Variants in ZNF394 observed in about 807,000 individuals in gnomAD.
ZNF394 encodes the protein zinc finger protein 394.
In ZNF394, 19 loss-of-function variants were observed where a neutral mutation model predicts 21.8. That is an observed-to-expected ratio of 0.87 (90% CI 0.61 to 1.28). The LOEUF (loss-of-function observed/expected upper bound fraction) is 1.28, where lower values mean the gene tolerates loss of function less well. Ranked by LOEUF, ZNF394 falls within the 50% of genes most tolerant of loss-of-function variation. ZNF394 has a pLI of 0.00. For missense variants in ZNF394, 683 were observed against 708.6 expected, an observed-to-expected ratio of 0.96 and a Z score of 0.41; for synonymous variants, 294 against 273.3, an observed-to-expected ratio of 1.08 and a Z score of -0.75.
rs774864258 is a variant in ZNF394 at position 99,493,865 on chromosome 7, G to A, written c.1350C>T (p.Thr450=). ...GTCTAAAAAGGTTGGAAATATGACA[G>A]GTTTCCCCGCATTCCTCACATTTAA... ...KHFKCEECGE[T]CHISNLFRHQ... Residue 450 remains threonine, a synonymous_variant, in exon 3 of 3, where the codon ACC becomes ACT. Transcript: ENST00000337673. 1 of 1,614,196 alleles carries A rather than the reference G, an allele frequency of 6.2e-7. No homozygotes were observed. The highest frequency in any genetic ancestry group is 1.7e-5 in the Admixed American group (1 of 60,006).
chr7:99,499,861 G>A lies in ZNF394; in HGVS notation c.233C>T (p.Pro78Leu). 10 of 1,614,132 alleles carry A rather than the reference G, an allele frequency of 6.2e-6. No homozygotes were observed. Among genetic ancestry groups the A allele is most frequent in the Non-Finnish European group, 8.5e-6 (10 of 1,180,024 alleles). ...RQLRYQEVAG[P>L]EEALSRLREL... ...TCGGAGCCGGCTCAGCGCCTCTTCC[G>A]GTCCAGCCACCTCCTGGTAACGCAG... The change falls in exon 1 of 3, where the codon CCG (proline) becomes CTG (leucine). Residue 78 changes from proline to leucine, a missense_variant. Pro to Leu is a moderately conservative substitution (Grantham distance 98). Around this residue, in one of 3 missense-constraint regions of ZNF394, gnomAD observed 402 missense variants for 373.8 expected, o/e 1.08. Coordinates refer to ENST00000337673, the MANE Select transcript of ZNF394 (RefSeq NM_032164.4).
At chr7:99,491,773 A>G (rs1296630172), downstream of ZNF394, among the ~76,000 whole-genome samples, 2 of 126,658 alleles carry the variant, frequency 1.6e-5, no homozygotes, top group South Asian at 2.5e-4. Context: ...ATCTGTCTCA[A>G]AAAAAAAAAA....
At chr7:99,493,119 C>T (rs1562892414), downstream of ZNF394, 4 of 813,200 alleles carry the variant, frequency 4.9e-6, no homozygotes, top group African/African-American at 7.5e-5. Flanking sequence ...TAATGAGGCT[C>T]AGGACAGATT....
At chr7:99,488,196 C>T (rs940501857) in intron 1 of ZNF394, among the ~76,000 whole-genome samples, 3 of 151,914 alleles carry the variant, frequency 2.0e-5, no homozygotes, top group Admixed American at 6.6e-5. Context: ...GAAGCTGTGC[C>T]GTGTGGTTGC....
At chr7:99,488,252 A>C (rs1190640040), downstream of ZNF394, among the ~76,000 whole-genome samples, 1 of 151,812 alleles carries the variant, frequency 6.6e-6, no homozygotes. Context: ...GAAGGTTTGA[A>C]GACAGCCAGT....
At chr7:99,490,872 G>A (rs772375290), downstream of ZNF394, among the ~76,000 whole-genome samples, 1 of 151,950 alleles carries the variant, frequency 6.6e-6, no homozygotes, top group Non-Finnish European at 1.5e-5. Flanking sequence ...TTAGAGGGAG[G>A]TGTAGGTGCT....
At position 99,493,399 on chromosome 7, in the gene ZNF394, G is replaced by A; in HGVS notation, c.*130C>T. 9.8e-7 allele frequency: 1 copy of A among 1,016,330 alleles called. No homozygotes were observed. The highest frequency in any genetic ancestry group is 1.4e-6 in the Non-Finnish European group (1 of 717,796). 63.0% of individuals were successfully genotyped at this position (1,016,330 alleles called of 1,614,324 possible). On this transcript the variant is annotated 3_prime_UTR_variant, in exon 3 of 3. Transcript: ENST00000337673. ...AGCCTCCCGAATAGCTGGGCTTACAGGCATGCACCACCATGCCCGGCTCAT... is the reference window on the plus strand; with the variant it reads ...AGCCTCCCGAATAGCTGGGCTTACAAGCATGCACCACCATGCCCGGCTCAT...
At position 99,493,766 on chromosome 7, in the gene ZNF394, G is replaced by A; in HGVS notation, c.1449C>T (p.Asp483=). ...ECEKSFKQRS[D]LFKHHRIHTG... is the part of the protein sequence containing the mutation. ...TGTGGATTCTGTGGTGTTTAAAGAG[G>A]TCAGAGCGCTGTTTGAAGCTCTTCT... The change falls in exon 3 of 3, where the codon GAC becomes GAT. Residue 483 remains aspartate, a synonymous_variant. Transcript: ENST00000337673. 6.2e-7 allele frequency: 1 copy of A among 1,614,180 alleles called. No individual in the cohort carries two copies. Among genetic ancestry groups the A allele is most frequent in the Non-Finnish European group, 8.5e-7 (1 of 1,180,034 alleles).
chr7:99,499,865 C>T lies in ZNF394; in HGVS notation c.229G>A (p.Gly77Arg), dbSNP rs147276034. 15 of 1,614,064 alleles carry T rather than the reference C, an allele frequency of 9.3e-6. No homozygotes were observed. In the African/African-American group the frequency reaches 2.0e-4, roughly 22 times the overall value. Reference protein sequence around the residue: ...FRQLRYQEVAGPEEALSRLRE... With the variant: ...FRQLRYQEVARPEEALSRLRE... ...AGCCGGCTCAGCGCCTCTTCCGGTC[C>T]AGCCACCTCCTGGTAACGCAGCTGC... is the stretch of plus-strand genomic sequence containing the variant. Residue 77 changes from glycine to arginine, a missense_variant, in exon 1 of 3, where the codon GGA becomes AGA. Gly to Arg is a moderately radical substitution (Grantham distance 125). This residue lies in a region of ZNF394 where 402 missense variants were observed against 373.8 expected (regional missense o/e 1.08). Coordinates refer to ENST00000337673, the MANE Select transcript of ZNF394 (RefSeq NM_032164.4).
chr7:99,489,548 T>C (rs1019203672), downstream of ZNF394, among the ~76,000 whole-genome samples: 1 of 152,160 alleles, frequency 6.6e-6, no homozygotes, highest in Non-Finnish European at 1.5e-5. Context: ...CCCCATGAAT[T>C]GCACACAGGC....
chr7:99,489,786 A>G (rs919000022), downstream of ZNF394, among the ~76,000 whole-genome samples: 4 of 152,226 alleles, frequency 2.6e-5, no homozygotes, highest in Non-Finnish European at 4.4e-5. Context: ...GCTCAACAAT[A>G]TAAGAGATCC....
intron 2 of ZNF394, 72 bp downstream of exon 2, chr7:99,498,644 C>T: frequency 6.3e-7 from 1 of 1,598,288 alleles, no homozygotes; most frequent in South Asian, 1.1e-5. Flanking sequence ...GGCATAGTGG[C>T]TCAGGGATGG....
chr7:99,496,741 A>AT lies in ZNF394; in HGVS notation c.583+1974dup, dbSNP rs199879746. On this transcript the variant is annotated intron_variant, in intron 2 of 2. Coordinates refer to ENST00000337673, the MANE Select transcript of ZNF394 (RefSeq NM_032164.4). ...AAATGTATTACTATTTTTTTTATTA[A>AT]TTTTTTTTTTTAAAGAGATGGGGTC... Among the ~76,000 whole-genome samples, 180 of 146,276 alleles carry AT rather than the reference A, an allele frequency of 1.2e-3. 2 individuals are homozygous for AT. The highest frequency in any genetic ancestry group is 0.012 in the East Asian group (57 of 4,948).
rs192328888 is a variant in ZNF394 at position 99,498,745 on chromosome 7, T to C, written c.554A>G (p.Gln185Arg). ...ARRDFCRESAQKDSGSTVPPS... is the reference protein window; with the variant it reads ...ARRDFCRESARKDSGSTVPPS... ...CGGAACTGTGCTCCCGGAATCCTTCTGCGCACTCTCTCTGCAGAAGTCCCT... is the reference window on the plus strand; with the variant it reads ...CGGAACTGTGCTCCCGGAATCCTTCCGCGCACTCTCTCTGCAGAAGTCCCT... The change falls in exon 2 of 3, where the codon CAG (glutamine) becomes CGG (arginine). Residue 185 changes from glutamine (Q) to arginine (R), a missense_variant. Physicochemically the swap from Gln to Arg is conservative, Grantham distance 43. This residue lies in a region of ZNF394 where 402 missense variants were observed against 373.8 expected (regional missense o/e 1.08). Coordinates refer to ENST00000337673, the MANE Select transcript of ZNF394 (RefSeq NM_032164.4). 9.0e-5 allele frequency: 146 copies of C among 1,614,104 alleles called. 1 individual carries two copies. The East Asian group carries it at 3.2e-3, about 35-fold the overall frequency.
intron 2 of ZNF394, among the ~76,000 whole-genome samples, chr7:99,496,764 G>T (rs1800325647): frequency 6.6e-6 from 1 of 151,456 alleles, no homozygotes; most frequent in Non-Finnish European, 1.5e-5. Flanking sequence ...AAGAGATGGG[G>T]TCTCGCTATG....
In ZNF394 at chr7:99,497,136, ATATATG is replaced by A. The variant is rs1158398240; in HGVS notation, c.583+1574_583+1579del. On this transcript the variant is annotated intron_variant, in intron 2 of 2. Transcript: ENST00000337673. ...TGTGTGTGTGTGTATATATATATAT[ATATATG>A]TATATATATATATAAAATGTTTTTT... Among the ~76,000 whole-genome samples the A allele has an allele frequency of 1.4e-3, 185 of 131,192 alleles. 3 individuals are homozygous for A. The highest frequency in any genetic ancestry group is 7.2e-3 in the Middle Eastern group (2 of 278). 86.1% of individuals were successfully genotyped at this position (131,192 alleles called of 152,430 possible).
chr7:99,487,565 C>T, intron 1 of ZNF394: 1 of 1,488,278 alleles, frequency 6.7e-7, no homozygotes, highest in Admixed American at 2.3e-5. Flanking sequence ...TAATTGTTTC[C>T]ATGAAAAGCA....
downstream of ZNF394, among the ~76,000 whole-genome samples, chr7:99,490,457 TC>T (rs1364113554): frequency 6.6e-6 from 1 of 151,916 alleles, no homozygotes; most frequent in Non-Finnish European, 1.5e-5. Flanking sequence ...GCCCAGCCTC[TC>T]TCATACTTTT....
At chr7:99,487,536 A>T in intron 1 of ZNF394, 1 of 1,550,252 alleles carries the variant, frequency 6.5e-7, no homozygotes, top group Non-Finnish European at 8.7e-7. Context: ...ATAAACCTCT[A>T]CTTCAAGTGT....
Sources: gnomAD v4.1 joint callset for allele counts (sites outside exome capture counted in the v4.1 genomes callset) on GRCh38, gnomAD v4.1.1 for gene constraint, gnomAD v4.1.1 regional missense constraint, MANE v1.5 for transcripts, NCBI Gene and HGNC (gene_info 2026-07-23, HGNC 2026-07-21) for gene names.